The following ADAMTS20 variants were observed in gnomAD, a reference collection of about 807,000 sequenced individuals.
ADAMTS20 encodes A disintegrin and metalloproteinase with thrombospondin motifs 20.
A neutral mutation model predicts 260.1 loss-of-function variants in ADAMTS20; 225 were observed. That is an observed-to-expected ratio of 0.87 (90% CI 0.78 to 0.97). The LOEUF is 0.97. Among genes scored for constraint, ADAMTS20 ranks in the 50% least tolerant of loss-of-function variants. The pLI, the probability that ADAMTS20 is intolerant of heterozygous loss-of-function variation, is 0.00. For missense variants in ADAMTS20, 2,400 were observed against 2,337.7 expected, an observed-to-expected ratio of 1.03 and a Z score of -0.55; for synonymous variants, 802 against 769.5, an observed-to-expected ratio of 1.04 and a Z score of -0.70.
At chr12:43,412,876 A>T (rs1941059537) in intron 28 of ADAMTS20, among the ~76,000 whole-genome samples, 1 of 121,384 alleles carries the variant, frequency 8.2e-6, no homozygotes, top group African/African-American at 3.2e-5. Flanking sequence ...CAGTGGTGCC[A>T]CCTCACTCAC....
At chr12:43,367,678 G>A (rs572001551) in intron 37 of ADAMTS20, among the ~76,000 whole-genome samples, 1 of 152,136 alleles carries the variant, frequency 6.6e-6, no homozygotes, top group East Asian at 1.9e-4. Context: ...TGTAATAGAA[G>A]ATGTAGTCCG....
intron 37 of ADAMTS20, among the ~76,000 whole-genome samples, chr12:43,366,544 G>A (rs1939990733): frequency 6.6e-6 from 1 of 151,658 alleles, no homozygotes; most frequent in African/African-American, 2.4e-5. Context: ...TGTTTTCCAG[G>A]ACAAACTATA....
chr12:43,488,276 G>T (rs1942553099), intron 7 of ADAMTS20, among the ~76,000 whole-genome samples: 1 of 152,018 alleles, frequency 6.6e-6, no homozygotes, highest in Non-Finnish European at 1.5e-5. Flanking sequence ...GTGTTATATG[G>T]TTAACCATCG....
rs754319193 is a variant in ADAMTS20, at chr12:43,466,683, A to C, written c.1336T>G (p.Cys446Gly). Residue 446 changes from cysteine (C) to glycine (G), a missense_variant, in exon 9 of 39, where the codon TGT becomes GGT. Transcript: ENST00000389420. ...FHMSPWSWSN[C>G]SRKYVTEFLD... ...AATTCAGTAACATATTTCCGACTAC[A>C]GTTTGACCAGCTCCAAGGACTCATG... 1 of 1,610,576 alleles carries C rather than the reference A, an allele frequency of 6.2e-7. No homozygotes were observed. Among genetic ancestry groups the C allele is most frequent in the South Asian group, 1.1e-5 (1 of 90,214 alleles).
intron 29 of ADAMTS20, among the ~76,000 whole-genome samples, chr12:43,384,929 G>A (rs548570164): frequency 2.0e-4 from 30 of 152,186 alleles, no homozygotes; most frequent in African/African-American, 5.5e-4. Context: ...GTGTGCATGC[G>A]TTTTTTATAG....
intron 37 of ADAMTS20, among the ~76,000 whole-genome samples, chr12:43,357,017 G>C (rs1939761059): frequency 1.3e-5 from 2 of 152,208 alleles, no homozygotes; most frequent in South Asian, 4.1e-4. Context: ...TTAAACACCA[G>C]AAACAGCGTG....
At chr12:43,398,272 G>T (rs1940743084) in intron 29 of ADAMTS20, among the ~76,000 whole-genome samples, 1 of 152,074 alleles carries the variant, frequency 6.6e-6, no homozygotes, top group Non-Finnish European at 1.5e-5. Context: ...TTCCCAAGCT[G>T]GTGGTGTTTG....
intron 3 of ADAMTS20, among the ~76,000 whole-genome samples, chr12:43,527,232 T>G (rs938713127): frequency 6.6e-6 from 1 of 152,174 alleles, no homozygotes; most frequent in African/African-American, 2.4e-5. Context: ...CAGGGCCAGA[T>G]AGATTCACAG....
Position 43,428,542 on chromosome 12 carries a change from A to T in ADAMTS20, c.3655-11T>A. The T allele has an allele frequency of 6.2e-7, 1 of 1,605,844 alleles. No homozygotes were observed. On this transcript the variant is annotated splice_polypyrimidine_tract_variant and intron_variant, in intron 25 of 38. Transcript: ENST00000389420. ...ACAGGAAGCTGAACACTGATCAAAA[A>T]TTTAGCCAATGGTAATATACAACAT...
chr12:43,418,459 G>A (rs1177771949), intron 28 of ADAMTS20, among the ~76,000 whole-genome samples: 7 of 151,952 alleles, frequency 4.6e-5, no homozygotes, highest in African/African-American at 1.2e-4. Context: ...ACAGGCACGC[G>A]CCACCACGCC....
chr12:43,413,800 A>C (rs563061969), intron 28 of ADAMTS20, among the ~76,000 whole-genome samples: 6 of 152,280 alleles, frequency 3.9e-5, no homozygotes, highest in Admixed American at 2.0e-4. Flanking sequence ...CAATAATGAA[A>C]CTTGATTGAT....
chr12:43,417,579 A>G (rs964874703), intron 28 of ADAMTS20, among the ~76,000 whole-genome samples: 1 of 152,196 alleles, frequency 6.6e-6, no homozygotes, highest in Non-Finnish European at 1.5e-5. Flanking sequence ...CGTAATTCCA[A>G]TACTGACTCC....
intron 3 of ADAMTS20, among the ~76,000 whole-genome samples, chr12:43,526,616 A>C (rs574063077): frequency 5.3e-5 from 8 of 152,212 alleles, no homozygotes; most frequent in Non-Finnish European, 1.2e-4. Flanking sequence ...CAAGATGGAA[A>C]TTCATAAACT....
intron 25 of ADAMTS20, 50 bp downstream of exon 25, chr12:43,428,585 C>T: frequency 6.8e-7 from 1 of 1,475,428 alleles, no homozygotes; most frequent in South Asian, 1.5e-5. Context: ...TATTTAATAT[C>T]AAATATATTT....
intron 2 of ADAMTS20, among the ~76,000 whole-genome samples, chr12:43,536,467 C>A (rs1943296458): frequency 1.3e-5 from 2 of 151,510 alleles, no homozygotes; most frequent in Non-Finnish European, 2.9e-5. Context: ...AAAAGGCAAC[C>A]AATAAATAAA....
At chr12:43,509,268 A>C (rs966915935) in intron 3 of ADAMTS20, among the ~76,000 whole-genome samples, 2 of 152,264 alleles carry the variant, frequency 1.3e-5, no homozygotes, top group East Asian at 1.9e-4. Flanking sequence ...CTTGACAATG[A>C]CGTTTAAAAA....
chr12:43,551,263 C>G lies in ADAMTS20; in HGVS notation c.99G>C (p.Leu33=). 1 of 1,610,314 alleles carries G rather than the reference C, an allele frequency of 6.2e-7. No individual in the cohort carries two copies. Among genetic ancestry groups the G allele is most frequent in the South Asian group, 1.1e-5 (1 of 90,944 alleles). The change falls in exon 2 of 39, where the codon CTG becomes CTC. Residue 33 remains leucine, a synonymous_variant. Transcript: ENST00000389420. The surrounding 1 kb of genome is among the most constrained non-coding windows in gnomAD (Gnocchi z 4.6). ...CTTCGTAGGAGGTCAGTGTCCTCACCAGGGCTTCTGCAACAACAGCGACAG... is the reference window on the plus strand; with the variant it reads ...CTTCGTAGGAGGTCAGTGTCCTCACGAGGGCTTCTGCAACAACAGCGACAG... ...EVDFHPRQEA[L]VRTLTSYEVV...
intron 2 of ADAMTS20, among the ~76,000 whole-genome samples, chr12:43,539,510 C>T (rs956029509): frequency 1.3e-5 from 2 of 152,094 alleles, no homozygotes; most frequent in Admixed American, 6.5e-5. Flanking sequence ...TTCTTGGATA[C>T]TTTTCTAGGG....
In ADAMTS20 at chr12:43,551,813, G is replaced by C. The variant is rs768831754; in HGVS notation, c.91+18C>G. The C allele has an allele frequency of 1.2e-6, 2 of 1,612,398 alleles. No homozygotes were observed. The highest frequency in any genetic ancestry group is 2.7e-5 in the African/African-American group (2 of 74,900). ...GCGCCCCCACTTAGCCGCTGAAGGCGTCTCGCGGTGACTTTACCTTGCCTG... is the reference window on the plus strand; with the variant it reads ...GCGCCCCCACTTAGCCGCTGAAGGCCTCTCGCGGTGACTTTACCTTGCCTG... On this transcript the variant is annotated intron_variant, in intron 1 of 38. Transcript: ENST00000389420. The surrounding 1 kb of genome is among the most constrained non-coding windows in gnomAD (Gnocchi z 4.6).
Sources: gnomAD v4.1 joint callset for allele counts (sites outside exome capture counted in the v4.1 genomes callset) on GRCh38, gnomAD v4.1.1 for gene constraint, Gnocchi (gnomAD v3.1) non-coding constraint, MANE v1.5 for transcripts, NCBI Gene and HGNC (gene_info 2026-07-23, HGNC 2026-07-21) for gene names.